SLC25A26: variants seen among roughly 807,000 people sequenced by gnomAD.
The protein encoded by SLC25A26 is solute carrier family 25 member 26, also known as mitochondrial S-adenosylmethionine carrier protein.
In SLC25A26, 36 loss-of-function variants were observed where a neutral mutation model predicts 37.8. That is an observed-to-expected ratio of 0.95 (90% CI 0.73 to 1.26). SLC25A26 has a LOEUF of 1.26. SLC25A26 is among the 50% of genes most tolerant of loss of function. SLC25A26 has a pLI of 0.00. For missense variants in SLC25A26, 390 were observed against 331.1 expected (o/e 1.18, Z -1.38); for synonymous variants, 129 against 122.5 (o/e 1.05, Z -0.35).
intron 6 of SLC25A26, among the ~76,000 whole-genome samples, chr3:66,353,091 A>G (rs1398364756): frequency 1.3e-5 from 2 of 152,184 alleles, no homozygotes; most frequent in Admixed American, 6.5e-5. Context: ...GACAACCCAG[A>G]GAGGTGGGCC....
At chr3:66,166,551 T>G (rs1286526385) in intron 1 of SLC25A26, among the ~76,000 whole-genome samples, 3 of 152,268 alleles carry the variant, frequency 2.0e-5, no homozygotes, top group Non-Finnish European at 4.4e-5. Flanking sequence ...ATGGAAGGCT[T>G]AATCTTCGGG....
rs59041266 is a variant in SLC25A26, at chr3:66,255,493, GT to G, written c.301-6544del. On this transcript the variant is annotated intron_variant, in intron 3 of 9. Coordinates refer to ENST00000354883, the MANE Select transcript of SLC25A26 (RefSeq NM_001379210.1). The stretch of plus-strand genomic sequence containing the variant: ...TTTTGATAAAGTATGGAGGGAGCAT[GT>G]TTTTTTTTTTTTTCCTTTATGGAAA... 2.8e-3 allele frequency among the ~76,000 whole-genome samples: 388 copies of G among 139,730 alleles called. 1 individual carries two copies. Among genetic ancestry groups the G allele is most frequent in the Non-Finnish European group, 4.3e-3 (273 of 63,428 alleles). 91.7% of individuals were successfully genotyped at this position (139,730 alleles called of 152,430 possible).
At chr3:66,184,306 C>T (rs376612475) in intron 1 of SLC25A26, among the ~76,000 whole-genome samples, 65 of 152,126 alleles carry the variant, frequency 4.3e-4, no homozygotes, top group African/African-American at 1.4e-3. Context: ...CCTGATGAAG[C>T]TATGACCCTG....
At chr3:66,265,407 C>T (rs939596444) in intron 5 of SLC25A26, among the ~76,000 whole-genome samples, 5 of 152,172 alleles carry the variant, frequency 3.3e-5, no homozygotes, top group Non-Finnish European at 5.9e-5. Context: ...TTCAAAAGTT[C>T]GTTTTCAGAT....
chr3:66,163,544 C>G (rs1361778096), intron 1 of SLC25A26, among the ~76,000 whole-genome samples: 1 of 152,162 alleles, frequency 6.6e-6, no homozygotes, highest in East Asian at 1.9e-4. Flanking sequence ...ACTATTTTGT[C>G]TAAGACAGAT....
chr3:66,263,213 G>A, intron 4 of SLC25A26, 119 bp from the exon 5 acceptor site: 2 of 717,492 alleles, frequency 2.8e-6, no homozygotes, highest in South Asian at 1.6e-5. Context: ...TCTTAGAGAA[G>A]TGTGGCAATT....
At chr3:66,320,490 T>C (rs533929472) in intron 5 of SLC25A26, among the ~76,000 whole-genome samples, 28 of 152,358 alleles carry the variant, frequency 1.8e-4, no homozygotes, top group African/African-American at 6.7e-4. Flanking sequence ...CCTCTGTTAA[T>C]GGTCACCCGG....
At position 66,366,904 on chromosome 3, in the gene SLC25A26, T is replaced by C. The variant is rs1441628533; in HGVS notation, c.569-2574T>C. ...AAGTAAGTTGGTTGTAAAATGAGAA[T>C]AGTAACACCTATGCAAATGAGATCA... On this transcript the variant is annotated intron_variant, in intron 7 of 9. Transcript: ENST00000354883. 2.6e-5 allele frequency among the ~76,000 whole-genome samples: 4 copies of C among 152,182 alleles called. No homozygotes were observed. The East Asian group carries it at 7.7e-4, about 29-fold the overall frequency.
At chr3:66,227,452 G>A (rs782385552) in intron 1 of SLC25A26, among the ~76,000 whole-genome samples, 27 of 152,136 alleles carry the variant, frequency 1.8e-4, no homozygotes, top group African/African-American at 6.0e-4. Context: ...CTGTCTGTGC[G>A]TAAACTGAGT....
At chr3:66,370,655 T>C in intron 9 of SLC25A26, 53 bp downstream of exon 9, 1 of 1,453,502 alleles carries the variant, frequency 6.9e-7, no homozygotes, top group Non-Finnish European at 9.6e-7. Flanking sequence ...CTCCTCCTCC[T>C]TTAGCCTAAC....
intron 1 of SLC25A26, among the ~76,000 whole-genome samples, chr3:66,142,889 G>A (rs979941725): frequency 1.3e-5 from 2 of 152,054 alleles, no homozygotes; most frequent in African/African-American, 4.8e-5. Flanking sequence ...TCAGCCTCCT[G>A]AGTAGCTGGG....
intron 5 of SLC25A26, among the ~76,000 whole-genome samples, chr3:66,290,887 T>G (rs1385351927): frequency 2.0e-5 from 3 of 152,234 alleles, no homozygotes; most frequent in Non-Finnish European, 4.4e-5. Context: ...TCAGAAGGAA[T>G]GGTACCAGCT....
intron 2 of SLC25A26, among the ~76,000 whole-genome samples, chr3:66,239,816 CTTTTT>C (rs536690709): frequency 9.1e-6 from 1 of 110,182 alleles, no homozygotes; most frequent in African/African-American, 3.5e-5. Flanking sequence ...TCCTTTCTTT[CTTTTT>C]TTTTTTTTTT....
chr3:66,321,602 C>T (rs1339618992), intron 5 of SLC25A26, among the ~76,000 whole-genome samples: 6 of 152,058 alleles, frequency 3.9e-5, no homozygotes, highest in Non-Finnish European at 8.8e-5. Context: ...GGACAGGGTA[C>T]ATAAAGTAAT....
rs974634001 is a variant in SLC25A26, at chr3:66,305,994, C to CT, written c.454-40362dup. Among the ~76,000 whole-genome samples the CT allele has an allele frequency of 7.1e-4, 107 of 151,704 alleles. 1 individual carries two copies. Among genetic ancestry groups the CT allele is most frequent in the African/African-American group, 2.3e-3 (97 of 41,394 alleles). ...TTCTTTCTTTTTTTCTTTTTCTTTT[C>CT]TTTTTTTTGAGATGGAGTCTCGCTC... On this transcript the variant is annotated intron_variant, in intron 5 of 9. Transcript: ENST00000354883.
intron 1 of SLC25A26, among the ~76,000 whole-genome samples, chr3:66,206,512 G>C (rs1405279714): frequency 2.0e-5 from 3 of 152,136 alleles, no homozygotes; most frequent in Non-Finnish European, 4.4e-5. Flanking sequence ...GGCATCCCTT[G>C]GAGCCATGTA....
chr3:66,291,903 A>G (rs982986117), intron 5 of SLC25A26, among the ~76,000 whole-genome samples: 5 of 152,156 alleles, frequency 3.3e-5, no homozygotes, highest in Non-Finnish European at 7.3e-5. Flanking sequence ...AGTTGGTGTT[A>G]AAGTCTCCCA....
At chr3:66,312,624 G>A (rs1265063848) in intron 5 of SLC25A26, among the ~76,000 whole-genome samples, 1 of 152,166 alleles carries the variant, frequency 6.6e-6, no homozygotes, top group African/African-American at 2.4e-5. Flanking sequence ...CAAGACCCTG[G>A]TGGCGTAGGC....
At chr3:66,332,955 G>A (rs2076011434) in intron 5 of SLC25A26, among the ~76,000 whole-genome samples, 1 of 151,920 alleles carries the variant, frequency 6.6e-6, no homozygotes, top group African/African-American at 2.4e-5. Context: ...TTTTTTTCAG[G>A]ACAAGTGACA....
Sources: gnomAD v4.1 joint callset for allele counts (sites outside exome capture counted in the v4.1 genomes callset) on GRCh38, gnomAD v4.1.1 for gene constraint, MANE v1.5 for transcripts, NCBI Gene and HGNC (gene_info 2026-07-23, HGNC 2026-07-21) for gene names.